BEND6: variants seen among roughly 807,000 people sequenced by gnomAD.
BEND6 encodes BEN domain containing 6, also known as BEN domain-containing protein 6.
BEND6 carries 24 observed loss-of-function variants against 31.8 expected under a neutral mutation model. That is an observed-to-expected ratio of 0.75 (90% CI 0.55 to 1.06). BEND6 has a LOEUF of 1.06. BEND6 is among the 50% of genes least tolerant of loss of function. BEND6 has a pLI of 0.00. For synonymous variants in BEND6, 109 were observed against 114.6 expected (o/e 0.95, Z 0.31); for missense variants, 294 against 327.4 (o/e 0.90, Z 0.79).
chr6:56,971,634 T>C (rs545383720), intron 1 of BEND6, among the ~76,000 whole-genome samples: 2 of 152,332 alleles, frequency 1.3e-5, no homozygotes, highest in South Asian at 4.1e-4. Flanking sequence ...CCAATACTTA[T>C]GATTTTGTTT....
chr6:57,006,989 C>A (rs1021671347), intron 3 of BEND6, among the ~76,000 whole-genome samples: 1 of 152,124 alleles, frequency 6.6e-6, no homozygotes, highest in African/African-American at 2.4e-5. Flanking sequence ...ATAATAGTCT[C>A]TTTAATAAAT....
At chr6:57,005,586 G>A (rs543396536) in intron 3 of BEND6, among the ~76,000 whole-genome samples, 7 of 151,638 alleles carry the variant, frequency 4.6e-5, no homozygotes, top group East Asian at 3.9e-4. Context: ...AGGCTGAGGC[G>A]GGAGAATCGC....
intron 1 of BEND6, among the ~76,000 whole-genome samples, chr6:56,981,263 GA>G (rs1402435413): frequency 2.0e-5 from 3 of 151,606 alleles, no homozygotes; most frequent in East Asian, 1.9e-4. Context: ...ACTTTTAGGG[GA>G]AAAAAAACCT....
At chr6:57,024,646 G>T (rs1207812280) in intron 6 of BEND6, among the ~76,000 whole-genome samples, 1 of 151,984 alleles carries the variant, frequency 6.6e-6, no homozygotes, top group African/African-American at 2.4e-5. Flanking sequence ...ATCCTGCTTT[G>T]TCCCTGATGT....
intron 5 of BEND6, 93 bp from the exon 6 acceptor site, chr6:57,018,328 T>C (rs1827632849): frequency 5.2e-6 from 7 of 1,344,814 alleles, no homozygotes; most frequent in Non-Finnish European, 6.9e-6. Flanking sequence ...AAAAAAATTA[T>C]AATGTAGAAT....
At chr6:57,023,367 T>A (rs890446253) in intron 6 of BEND6, among the ~76,000 whole-genome samples, 1 of 152,250 alleles carries the variant, frequency 6.6e-6, no homozygotes, top group Non-Finnish European at 1.5e-5. Flanking sequence ...TTCCTTATTA[T>A]TATAAGTGAC....
At chr6:57,000,686 G>A (rs920866526) in intron 3 of BEND6, among the ~76,000 whole-genome samples, 4 of 151,686 alleles carry the variant, frequency 2.6e-5, no homozygotes, top group Non-Finnish European at 5.9e-5. Context: ...GAGTTGGGAT[G>A]GGCATTAGTG....
intron 3 of BEND6, among the ~76,000 whole-genome samples, chr6:56,997,593 G>A (rs571330476): frequency 3.9e-5 from 6 of 151,996 alleles, no homozygotes; most frequent in Non-Finnish European, 7.4e-5. Flanking sequence ...TCACTCTGTC[G>A]CCCAGACTGC....
At chr6:56,976,925 T>G (rs991130305) in intron 1 of BEND6, among the ~76,000 whole-genome samples, 2 of 152,178 alleles carry the variant, frequency 1.3e-5, no homozygotes, top group African/African-American at 4.8e-5. Flanking sequence ...TATATCAACA[T>G]TAGCCAACTA....
intron 3 of BEND6, 64 bp downstream of exon 3, chr6:56,992,619 G>T (rs1826548670): frequency 6.8e-7 from 1 of 1,478,924 alleles, no homozygotes; most frequent in Non-Finnish European, 9.1e-7. Flanking sequence ...GGAAAGTATT[G>T]CAAATTAGCT....
At chr6:56,959,314 A>G (rs1355240791) in intron 1 of BEND6, among the ~76,000 whole-genome samples, 1 of 152,198 alleles carries the variant, frequency 6.6e-6, no homozygotes, top group African/African-American at 2.4e-5. Flanking sequence ...ACTTTTAGGG[A>G]AAGATAAGGA....
At chr6:56,960,381 A>G (rs1050120194) in intron 1 of BEND6, among the ~76,000 whole-genome samples, 52 of 152,346 alleles carry the variant, frequency 3.4e-4, no homozygotes, top group African/African-American at 1.2e-3. Flanking sequence ...GAAATTTGCC[A>G]TATAAGTTAT....
At chr6:57,018,938 A>G (rs1279346224) in intron 6 of BEND6, among the ~76,000 whole-genome samples, 1 of 152,214 alleles carries the variant, frequency 6.6e-6, no homozygotes, top group Non-Finnish European at 1.5e-5. Context: ...TGACAATTTA[A>G]GAAGTATTTC....
At chr6:56,972,497 G>A (rs550414328) in intron 1 of BEND6, among the ~76,000 whole-genome samples, 1 of 152,286 alleles carries the variant, frequency 6.6e-6, no homozygotes, top group South Asian at 2.1e-4. Context: ...AAGTAACAAA[G>A]TGTAACTCTT....
chr6:57,020,466 G>A (rs1284397339), intron 6 of BEND6, among the ~76,000 whole-genome samples: 1 of 151,946 alleles, frequency 6.6e-6, no homozygotes, highest in African/African-American at 2.4e-5. Flanking sequence ...TGTAGCCCAG[G>A]CTGTAGTTCA....
At position 57,001,291 on chromosome 6, in the gene BEND6, G is replaced by A. The variant is rs977798641; in HGVS notation, c.298+8736G>A. On this transcript the variant is annotated intron_variant, in intron 3 of 6. Transcript: ENST00000370746. Reference sequence around the variant, plus strand: ...TGATCCTTCCACCTCACTCTCCCAAGTAACCGAGACTACAAGCATGCACCA... The same window carrying A: ...TGATCCTTCCACCTCACTCTCCCAAATAACCGAGACTACAAGCATGCACCA... 9.3e-5 allele frequency among the ~76,000 whole-genome samples: 14 copies of A among 151,306 alleles called. 1 individual carries two copies. Among genetic ancestry groups the A allele is most frequent in the African/African-American group, 3.4e-4 (14 of 41,158 alleles).
intron 6 of BEND6, among the ~76,000 whole-genome samples, chr6:57,020,277 ATTTT>A (rs1247013962): frequency 7.6e-6 from 1 of 130,866 alleles, no homozygotes. Flanking sequence ...CAAGTTCTCT[ATTTT>A]TTTTTTTTTT....
At chr6:57,011,986 A>G (rs916109592) in intron 3 of BEND6, among the ~76,000 whole-genome samples, 3 of 151,980 alleles carry the variant, frequency 2.0e-5, no homozygotes, top group African/African-American at 4.8e-5. Flanking sequence ...ATTAGCTGGC[A>G]TGGTAGTGCA....
Position 56,968,312 on chromosome 6 carries a change from C to CTTTT in BEND6, c.-101+12875_-101+12878dup, listed in dbSNP as rs779756084. Among the ~76,000 whole-genome samples, 65 of 65,976 alleles carry CTTTT rather than the reference C, an allele frequency of 9.9e-4. 2 individuals carry two copies. Among genetic ancestry groups the CTTTT allele is most frequent in the African/African-American group, 1.2e-3 (18 of 15,146 alleles). The allele number at this position is 65,976 out of a possible 152,430, so 43.3% of individuals were successfully genotyped here. On this transcript the variant is annotated intron_variant, in intron 1 of 6. Coordinates refer to ENST00000370746, the MANE Select transcript of BEND6 (RefSeq NM_152731.3). Reference sequence around the variant, plus strand: ...TTCTTTTTCTTTCTTTCTTTCTTTTCTTTTTTTTTTTTTTTTTTTTTTTTT... The same window carrying CTTTT: ...TTCTTTTTCTTTCTTTCTTTCTTTTCTTTTTTTTTTTTTTTTTTTTTTTTTTTTT...
Sources: gnomAD v4.1 joint callset for allele counts (sites outside exome capture counted in the v4.1 genomes callset) on GRCh38, gnomAD v4.1.1 for gene constraint, MANE v1.5 for transcripts, NCBI Gene and HGNC (gene_info 2026-07-23, HGNC 2026-07-21) for gene names.